MTMR2: variants seen among roughly 807,000 people sequenced by gnomAD.
The protein encoded by MTMR2 is phosphatidylinositol-3,5-bisphosphate 3-phosphatase MTMR2.
In MTMR2, 55 loss-of-function variants were observed where a neutral mutation model predicts 86.9. The ratio of observed to expected loss-of-function variants is 0.63; its 90% CI spans 0.51 to 0.79. MTMR2 has a LOEUF of 0.79. MTMR2 is among the 30% of genes least tolerant of loss of function. The pLI is 0.00. For missense variants in MTMR2, 659 were observed against 772.3 expected (o/e 0.85, Z 1.74); for synonymous variants, 241 against 266.8 (o/e 0.90, Z 0.94).
intron 1 of MTMR2, among the ~76,000 whole-genome samples, chr11:95,916,404 AAG>A (rs902094425): frequency 3.3e-5 from 5 of 152,152 alleles, no homozygotes; most frequent in Admixed American, 6.6e-5. Flanking sequence ...GTATCCTTCA[AAG>A]AGAGAGAGTA....
chr11:95,850,357 CTT>C (rs1241003281), intron 8 of MTMR2, among the ~76,000 whole-genome samples: 1 of 151,844 alleles, frequency 6.6e-6, no homozygotes. Flanking sequence ...ACACAGCAAA[CTT>C]TTTCAGTGAA....
intron 7 of MTMR2, among the ~76,000 whole-genome samples, chr11:95,852,761 G>A (rs1179040726): frequency 6.6e-6 from 1 of 152,112 alleles, no homozygotes; most frequent in African/African-American, 2.4e-5. Flanking sequence ...GTGCTGGCCG[G>A]GCACGGTGGC....
chr11:95,905,331 G>GCGCA (rs928252045), intron 1 of MTMR2, among the ~76,000 whole-genome samples: 5 of 147,992 alleles, frequency 3.4e-5, no homozygotes, highest in African/African-American at 1.0e-4. Flanking sequence ...ACGCACCTGC[G>GCGCA]CACACACACA....
chr11:95,878,472 C>T (rs983011716), intron 2 of MTMR2, among the ~76,000 whole-genome samples: 5 of 151,940 alleles, frequency 3.3e-5, no homozygotes, highest in Admixed American at 6.6e-5. Context: ...GTATCAGTAT[C>T]GTTTCATCAG....
intron 1 of MTMR2, among the ~76,000 whole-genome samples, chr11:95,919,215 T>C (rs997249132): frequency 7.9e-5 from 12 of 152,170 alleles, no homozygotes; most frequent in Admixed American, 7.2e-4. Context: ...TTTAGAAATC[T>C]AGGAAACTCC....
chr11:95,903,148 G>A (rs763904850), intron 1 of MTMR2, among the ~76,000 whole-genome samples: 22 of 151,906 alleles, frequency 1.4e-4, no homozygotes, highest in Non-Finnish European at 2.5e-4. Context: ...CATATCCTCC[G>A]GACTGGCATT....
At chr11:95,858,470 G>C in intron 6 of MTMR2, 61 bp downstream of exon 6, 2 of 1,143,318 alleles carry the variant, frequency 1.7e-6, no homozygotes, top group Non-Finnish European at 2.7e-6. Context: ...GCCTAGACAA[G>C]TTTCTTTATA....
At chr11:95,873,591 A>G (rs1468572071) in intron 2 of MTMR2, among the ~76,000 whole-genome samples, 3 of 151,786 alleles carry the variant, frequency 2.0e-5, no homozygotes, top group Non-Finnish European at 4.4e-5. Flanking sequence ...TTGTGTCTCT[A>G]TCTCCTTCAG....
At chr11:95,836,122 C>T in intron 14 of MTMR2, 26 bp downstream of exon 14, 1 of 1,584,290 alleles carries the variant, frequency 6.3e-7, no homozygotes, top group African/African-American at 1.3e-5. Context: ...AATGAAAACT[C>T]CCATTGTATA....
intron 2 of MTMR2, among the ~76,000 whole-genome samples, chr11:95,883,114 T>C (rs950384793): frequency 1.3e-5 from 2 of 152,010 alleles, no homozygotes; most frequent in South Asian, 2.1e-4. Context: ...ACAACAGGCT[T>C]CACAAAGGAA....
At chr11:95,923,590 A>C (rs1309006789) in intron 1 of MTMR2, 1 of 1,118,700 alleles carries the variant, frequency 8.9e-7, no homozygotes, top group Non-Finnish European at 1.2e-6. Flanking sequence ...GAGGGAATGA[A>C]AGACAGGAGA....
intron 1 of MTMR2, chr11:95,907,882 A>G (rs1289188859): frequency 4.5e-6 from 2 of 445,168 alleles, no homozygotes; most frequent in Admixed American, 4.9e-5. Context: ...TGAGAGCTAC[A>G]GCCAACATCA....
At chr11:95,898,095 C>T (rs1210729652) in intron 1 of MTMR2, among the ~76,000 whole-genome samples, 1 of 152,032 alleles carries the variant, frequency 6.6e-6, no homozygotes, top group Non-Finnish European at 1.5e-5. Flanking sequence ...GTTCACAAGT[C>T]TCTTCCCAAA....
rs1463802337 is a variant in MTMR2, at chr11:95,891,952, G to T, written c.81-3691C>A. On this transcript the variant is annotated intron_variant, in intron 1 of 14. Transcript: ENST00000346299. ...TGCAGCAGAACTGTTAAAACTTCTG[G>T]TATAAACGTAAAGTGCTGCCTTTAG... 3.5e-4 allele frequency among the ~76,000 whole-genome samples: 54 copies of T among 152,138 alleles called. 1 individual carries two copies. Among genetic ancestry groups the T allele is most frequent in the Admixed American group, 3.5e-3 (54 of 15,274 alleles).
chr11:95,855,890 C>T (rs1227624945), intron 7 of MTMR2, among the ~76,000 whole-genome samples: 1 of 152,084 alleles, frequency 6.6e-6, no homozygotes, highest in Non-Finnish European at 1.5e-5. Flanking sequence ...AAATTCAAAA[C>T]TAAGTTTTCT....
chr11:95,876,142 T>C (rs1445753298), intron 2 of MTMR2, among the ~76,000 whole-genome samples: 1 of 152,200 alleles, frequency 6.6e-6, no homozygotes, highest in Non-Finnish European at 1.5e-5. Flanking sequence ...GACAGGGACA[T>C]TTAAGTCTGC....
At chr11:95,882,754 A>G (rs1176672044) in intron 2 of MTMR2, among the ~76,000 whole-genome samples, 3 of 147,222 alleles carry the variant, frequency 2.0e-5, no homozygotes, top group East Asian at 2.0e-4. Context: ...ACAGAGTCTC[A>G]CTCTGTCGCC....
intron 2 of MTMR2, among the ~76,000 whole-genome samples, chr11:95,883,447 T>A (rs972647416): frequency 6.6e-6 from 1 of 152,192 alleles, no homozygotes; most frequent in African/African-American, 2.4e-5. Context: ...AATACTACAT[T>A]TTTAAGTTTT....
intron 1 of MTMR2, among the ~76,000 whole-genome samples, chr11:95,903,878 G>C (rs1866161241): frequency 6.6e-6 from 1 of 152,090 alleles, no homozygotes; most frequent in Non-Finnish European, 1.5e-5. Flanking sequence ...ACATTAAAAG[G>C]CTGAGGCAGG....
Sources: gnomAD v4.1 joint callset for allele counts (sites outside exome capture counted in the v4.1 genomes callset) on GRCh38, gnomAD v4.1.1 for gene constraint, MANE v1.5 for transcripts, NCBI Gene and HGNC (gene_info 2026-07-23, HGNC 2026-07-21) for gene names.